Variants in POFUT4 observed in about 807,000 individuals in gnomAD.
The protein encoded by POFUT4 is protein O-fucosyltransferase 4, also known as GDP-fucose protein O-fucosyltransferase 4.
At chr10:73,776,591 G>A in the POFUT4 span, among the ~76,000 whole-genome samples, 1 of 152,112 alleles carries the variant, frequency 6.6e-6, no homozygotes, top group Non-Finnish European at 1.5e-5. Context: ...TGAGGCAGGA[G>A]GATCACTTGA....
chr10:73,779,193 G>A, the POFUT4 span: 1 of 151,966 alleles, frequency 6.6e-6, no homozygotes, highest in African/African-American at 2.4e-5. Flanking sequence ...CCAAGAGTTT[G>A]AGGCTGTAGT....
chr10:73,777,959 A>C, the POFUT4 span, among the ~76,000 whole-genome samples: 1 of 150,546 alleles, frequency 6.6e-6, no homozygotes, highest in Non-Finnish European at 1.5e-5. Flanking sequence ...TCCCAGGTTC[A>C]AGCAATTCTC....
chr10:73,772,781 C>T, the POFUT4 span: 1 of 1,610,494 alleles, frequency 6.2e-7, no homozygotes, highest in Non-Finnish European at 8.5e-7. Flanking sequence ...CGAGGAGTCG[C>T]CCCTCAACAA....
the POFUT4 span, chr10:73,772,954 C>A: frequency 6.2e-7 from 1 of 1,605,944 alleles, no homozygotes; most frequent in Non-Finnish European, 8.5e-7. Context: ...GCCGCCGCGG[C>A]TACGCGCCGC....
the POFUT4 span, chr10:73,773,960 T>C: frequency 1.1e-6 from 1 of 893,800 alleles, no homozygotes; most frequent in Non-Finnish European, 1.6e-6. Context: ...AACAGTCTAG[T>C]TGGGGGGATA....
At chr10:73,774,305 A>AT in the POFUT4 span, 21 of 148,508 alleles carry the variant, frequency 1.4e-4, no homozygotes, top group East Asian at 9.8e-4. Flanking sequence ...ACCAGCCATA[A>AT]TTTTTTTTTT....
At chr10:73,773,709 G>C in the POFUT4 span, 1 of 1,614,162 alleles carries the variant, frequency 6.2e-7, no homozygotes, top group Admixed American at 1.7e-5. Flanking sequence ...GGCCTCTCCC[G>C]GGGACAGCCC....
chr10:73,777,701 C>T, the POFUT4 span, among the ~76,000 whole-genome samples: 1 of 151,880 alleles, frequency 6.6e-6, no homozygotes, highest in African/African-American at 2.4e-5. Context: ...ATTACAGGCG[C>T]CCGTCACCAC....
At chr10:73,773,165 G>A in the POFUT4 span, 1 of 1,581,424 alleles carries the variant, frequency 6.3e-7, no homozygotes. Flanking sequence ...GCACCCTCAT[G>A]ACAGCCTTAC....
chr10:73,772,821 G>A, the POFUT4 span: 2 of 1,611,990 alleles, frequency 1.2e-6, no homozygotes, highest in Non-Finnish European at 1.7e-6. Flanking sequence ...CCGGGCATCC[G>A]CCTCTTCAAT....
chr10:73,774,589 A>C, the POFUT4 span: 1 of 152,238 alleles, frequency 6.6e-6, no homozygotes, highest in Admixed American at 6.5e-5. Flanking sequence ...AGTCCTGGCT[A>C]CTTGGGAGGC....
the POFUT4 span, chr10:73,773,002 C>G: frequency 1.9e-6 from 3 of 1,590,812 alleles, no homozygotes; most frequent in African/African-American, 4.0e-5. Context: ...TGCCAGCGGA[C>G]CGGGACCGCT....
At chr10:73,777,383 G>T in the POFUT4 span, among the ~76,000 whole-genome samples, 1 of 151,358 alleles carries the variant, frequency 6.6e-6, no homozygotes, top group African/African-American at 2.4e-5. Flanking sequence ...GCCTAATGAA[G>T]TGTTCCCTCT....
the POFUT4 span, chr10:73,775,520 A>AC: frequency 1.2e-6 from 2 of 1,613,792 alleles, no homozygotes; most frequent in Non-Finnish European, 1.7e-6. Context: ...CCATAATCCA[A>AC]CCCCCATTTT....
chr10:73,773,011 C>T, the POFUT4 span: 1 of 1,584,508 alleles, frequency 6.3e-7, no homozygotes, highest in Non-Finnish European at 8.6e-7. Flanking sequence ...ACCGGGACCG[C>T]TACGTGCGCG....
At chr10:73,773,440 C>T in the POFUT4 span, 1 of 1,614,190 alleles carries the variant, frequency 6.2e-7, no homozygotes, top group South Asian at 1.1e-5. Flanking sequence ...AACAATCACT[C>T]CGTCATCCTG....
the POFUT4 span, chr10:73,772,282 C>G: frequency 7.3e-7 from 1 of 1,362,262 alleles, no homozygotes; most frequent in Non-Finnish European, 9.5e-7. Context: ...TCACGACTAT[C>G]CGCTGGGCGG....
the POFUT4 span, chr10:73,772,511 C>T: frequency 1.3e-6 from 2 of 1,559,904 alleles, no homozygotes; most frequent in South Asian, 2.4e-5. Flanking sequence ...GGGGGTGACG[C>T]GCAGCTCTGG....
chr10:73,773,045 AGTGAGGGCGGGCCGGAGGGAAGGAAAAG>A, the POFUT4 span: 1 of 1,566,802 alleles, frequency 6.4e-7, no homozygotes, highest in South Asian at 1.2e-5. Flanking sequence ...CATCCCGGTG[AGTGAGGGCGGGCCGGAGGGAAGGAAAAG>A]GAGAGGGCGG....
Sources: allele counts gnomAD v4.1 joint callset (sites outside exome capture counted in the v4.1 genomes callset), GRCh38; gene constraint gnomAD v4.1.1; transcripts MANE v1.5; gene names NCBI Gene and HGNC (gene_info 2026-07-23, HGNC 2026-07-21).